Variants in GRAMD4 observed in about 807,000 individuals in gnomAD.
GRAMD4 encodes the protein GRAM domain-containing protein 4.
In GRAMD4, 25 loss-of-function variants were observed where a neutral mutation model predicts 83.9. That is an observed-to-expected ratio of 0.30 (90% CI 0.22 to 0.42). The LOEUF (loss-of-function observed/expected upper bound fraction) is 0.42, where lower values mean the gene tolerates loss of function less well. GRAMD4 is among the 10% of genes least tolerant of loss of function. The pLI is 1.00. For synonymous variants in GRAMD4, 336 were observed against 320.9 expected (o/e 1.05, Z -0.50); for missense variants, 593 against 788.7 (o/e 0.75, Z 2.97).
At chr22:46,604,122 T>C (rs2081342722) in intron 1 of GRAMD4, among the ~76,000 whole-genome samples, 1 of 152,222 alleles carries the variant, frequency 6.6e-6, no homozygotes, top group Non-Finnish European at 1.5e-5. Flanking sequence ...CTCGTGGCTC[T>C]GTTTTCTGTT....
chr22:46,674,333 T>G (rs1306696158), intron 15 of GRAMD4, among the ~76,000 whole-genome samples: 1 of 151,958 alleles, frequency 6.6e-6, no homozygotes, highest in Admixed American at 6.5e-5. Flanking sequence ...CCTGCCGGTC[T>G]TGGTGGAGGT....
intron 1 of GRAMD4, among the ~76,000 whole-genome samples, chr22:46,604,356 C>A (rs186845930): frequency 6.6e-6 from 1 of 152,146 alleles, no homozygotes; most frequent in Non-Finnish European, 1.5e-5. Context: ...AAGGGAGGAT[C>A]GGTTTTCTCT....
At chr22:46,584,789 G>A (rs551026150) in intron 1 of GRAMD4, among the ~76,000 whole-genome samples, 9 of 152,234 alleles carry the variant, frequency 5.9e-5, no homozygotes, top group African/African-American at 1.9e-4. Context: ...TAGTCAGCCC[G>A]GCCCCGCAGG....
Position 46,679,695 on chromosome 22 carries a change from C to A in GRAMD4, c.*2444C>A, listed in dbSNP as rs533919832. 159 of 976,482 alleles carry A rather than the reference C, an allele frequency of 1.6e-4. 3 individuals are homozygous for A. In the South Asian group the frequency reaches 4.9e-3, roughly 30 times the overall value. The allele number at this position is 976,482 out of a possible 1,614,324, so 60.5% of individuals were successfully genotyped here. On this transcript the variant is annotated 3_prime_UTR_variant, in exon 19 of 19. Transcript: ENST00000406902. Reference sequence around the variant, plus strand: ...ACCGATGAAAAAAATTCTCCTGTAACATTTTTTTAAGAAAACTTTGTTTGT... The same window carrying A: ...ACCGATGAAAAAAATTCTCCTGTAAAATTTTTTTAAGAAAACTTTGTTTGT...
At chr22:46,603,185 T>C (rs1161907211) in intron 1 of GRAMD4, among the ~76,000 whole-genome samples, 2 of 148,524 alleles carry the variant, frequency 1.3e-5, no homozygotes, top group African/African-American at 5.0e-5. Context: ...GTTTTTAACA[T>C]AACGTATCTT....
At chr22:46,658,987 A>AGGTC (rs2082287307) in intron 4 of GRAMD4, among the ~76,000 whole-genome samples, 1 of 152,092 alleles carries the variant, frequency 6.6e-6, no homozygotes. Context: ...AGCAGGAAGC[A>AGGTC]GGTCATTCAG....
Position 46,603,674 on chromosome 22 carries a change from G to A in GRAMD4, c.-49-23077G>A, listed in dbSNP as rs193123246. On this transcript the variant is annotated intron_variant, in intron 1 of 1. Transcript: ENST00000431155. ...TGGGATTACAGGCGCCCACCACCAC[G>A]CCTGGCTATTTTTTTGTATTTTTAG... Among the ~76,000 whole-genome samples, 510 of 149,948 alleles carry A rather than the reference G, an allele frequency of 3.4e-3. 2 individuals carry two copies. Among genetic ancestry groups the A allele is most frequent in the Non-Finnish European group, 5.5e-3 (370 of 67,620 alleles).
chr22:46,674,960 C>T (rs1011150134), intron 16 of GRAMD4, among the ~76,000 whole-genome samples: 7 of 152,248 alleles, frequency 4.6e-5, no homozygotes, highest in Non-Finnish European at 8.8e-5. Flanking sequence ...TGCTGCCATC[C>T]CTCAGGCTGG....
upstream of GRAMD4, among the ~76,000 whole-genome samples, chr22:46,618,441 C>A (rs977785746): frequency 6.6e-6 from 1 of 152,250 alleles, no homozygotes; most frequent in East Asian, 1.9e-4. The surrounding 1 kb of genome is among the most constrained non-coding windows in gnomAD (Gnocchi z 5.8). Context: ...CGGAGCCAAA[C>A]GTGTCGGGCC....
chr22:46,587,131 C>T (rs1165850866), intron 1 of GRAMD4, among the ~76,000 whole-genome samples: 11 of 152,216 alleles, frequency 7.2e-5, no homozygotes, highest in Non-Finnish European at 1.5e-4. Flanking sequence ...AGATTATCCC[C>T]TGCCCTGGGG....
intron 3 of GRAMD4, among the ~76,000 whole-genome samples, chr22:46,639,960 C>G (rs1369146077): frequency 1.3e-5 from 2 of 152,192 alleles, no homozygotes; most frequent in Non-Finnish European, 2.9e-5. Flanking sequence ...TGCGACCTCA[C>G]CAGCCTGCAG....
At chr22:46,635,637 G>A (rs200107905) in intron 2 of GRAMD4, among the ~76,000 whole-genome samples, 1,337 of 68,820 alleles carry the variant, frequency 0.019, 6 homozygotes, top group Non-Finnish European at 0.031. Context: ...TGTCCTGGGG[G>A]ACCGTGTCCT....
Position 46,648,967 on chromosome 22 carries a change from G to C in GRAMD4, c.284-9220G>C, listed in dbSNP as rs868655380. On this transcript the variant is annotated intron_variant, in intron 3 of 18. Transcript: ENST00000406902. The stretch of plus-strand genomic sequence containing the variant: ...GGATGGATGGATGGATGGATGGATG[G>C]ATGGATGGATGGATGGATAGGTAGA... Among the ~76,000 whole-genome samples, 225 of 141,290 alleles carry C rather than the reference G, an allele frequency of 1.6e-3. 2 individuals are homozygous for C. Among genetic ancestry groups the C allele is most frequent in the African/African-American group, 6.0e-3 (214 of 35,494 alleles). The allele number at this position is 141,290 out of a possible 152,430, so 92.7% of individuals were successfully genotyped here.
At chr22:46,593,665 C>T (rs2081232518) in intron 1 of GRAMD4, among the ~76,000 whole-genome samples, 3 of 152,222 alleles carry the variant, frequency 2.0e-5, no homozygotes, top group African/African-American at 7.2e-5. Flanking sequence ...GCGTCATTGG[C>T]CTGGGGTCTG....
Position 46,663,029 on chromosome 22 carries a change from G to GC in GRAMD4, c.467-6dup, listed in dbSNP as rs768833990. 2 of 1,599,544 alleles carry GC rather than the reference G, an allele frequency of 1.3e-6. No individual in the cohort carries two copies. Among genetic ancestry groups the GC allele is most frequent in the South Asian group, 2.2e-5 (2 of 90,216 alleles). ...CCTGCCGTGCCCTCACCGGGTCCCT[G>GC]CCCCCTGCAGAGCGCCGGAGCCAGG... On this transcript the variant is annotated splice_polypyrimidine_tract_variant and intron_variant, in intron 5 of 18. Coordinates refer to ENST00000406902, the MANE Select transcript of GRAMD4 (RefSeq NM_015124.5).
At chr22:46,636,970 G>A (rs2081898165) in intron 2 of GRAMD4, among the ~76,000 whole-genome samples, 1 of 152,206 alleles carries the variant, frequency 6.6e-6, no homozygotes, top group East Asian at 1.9e-4. Flanking sequence ...GGCTCACTGG[G>A]GCTGTGAGCC....
chr22:46,628,100 C>A (rs1172655896), intron 2 of GRAMD4, among the ~76,000 whole-genome samples: 1 of 152,222 alleles, frequency 6.6e-6, no homozygotes, highest in African/African-American at 2.4e-5. Flanking sequence ...CGATGGTGGT[C>A]TGTGTGCTGA....
At chr22:46,611,619 G>C (rs181318760) in intron 1 of GRAMD4, among the ~76,000 whole-genome samples, 1 of 152,148 alleles carries the variant, frequency 6.6e-6, no homozygotes, top group East Asian at 1.9e-4. Flanking sequence ...CTCCGAGAAA[G>C]GCTTATTGGG....
upstream of GRAMD4, among the ~76,000 whole-genome samples, chr22:46,618,015 T>TC (rs2081526549): frequency 6.6e-6 from 1 of 152,152 alleles, no homozygotes; most frequent in Non-Finnish European, 1.5e-5. This position sits in a 1 kb window ranked among gnomAD's most constrained non-coding sequence, Gnocchi z 5.8. Context: ...TCCATGGGTG[T>TC]CCCTTTCTCT....
Sources: allele counts gnomAD v4.1 joint callset (sites outside exome capture counted in the v4.1 genomes callset), GRCh38; gene constraint gnomAD v4.1.1; non-coding constraint Gnocchi (gnomAD v3.1); transcripts MANE v1.5; gene names NCBI Gene and HGNC (gene_info 2026-07-23, HGNC 2026-07-21).